MTA3: variants seen among roughly 807,000 people sequenced by gnomAD.
MTA3 encodes metastasis associated 1 family member 3, also known as metastasis-associated protein MTA3.
In MTA3, 34 loss-of-function variants were observed where a neutral mutation model predicts 83.5. The ratio of observed to expected loss-of-function variants is 0.41; its 90% CI spans 0.31 to 0.54. The LOEUF is 0.54. Ranked by LOEUF, MTA3 falls within the 20% of genes least tolerant of loss-of-function variation. MTA3 has a pLI of 0.33. For missense variants in MTA3, 761 were observed against 726.4 expected, an observed-to-expected ratio of 1.05 and a Z score of -0.55; for synonymous variants, 303 against 252.7, an observed-to-expected ratio of 1.20 and a Z score of -1.89.
intron 2 of MTA3, among the ~76,000 whole-genome samples, chr2:42,499,619 G>T (rs1296382866): frequency 6.6e-6 from 1 of 150,686 alleles, no homozygotes; most frequent in Admixed American, 6.6e-5. Context: ...GAGAAACCCC[G>T]TCTCTACTAA....
Position 42,755,394 on chromosome 2 carries a change from A to G in MTA3, c.*1995A>G, listed in dbSNP as rs1416777210. ...CAGGCCCAAGAGATTTGGAGACAGGAGTCAGGCCAGGTCTGAAGCAGGAGA... is the reference window on the plus strand; with the variant it reads ...CAGGCCCAAGAGATTTGGAGACAGGGGTCAGGCCAGGTCTGAAGCAGGAGA... On this transcript the variant is annotated 3_prime_UTR_variant, in exon 17 of 17. Coordinates refer to ENST00000405094, the MANE Select transcript of MTA3 (RefSeq NM_001330442.2). The G allele has an allele frequency of 1.0e-6, 1 of 985,322 alleles. No individual in the cohort carries two copies. Among genetic ancestry groups the G allele is most frequent in the East Asian group, 1.1e-4 (1 of 8,816 alleles). 61.0% of individuals were successfully genotyped at this position (985,322 alleles called of 1,614,324 possible).
At chr2:42,501,008 C>T (rs1674371112) in intron 2 of MTA3, among the ~76,000 whole-genome samples, 1 of 152,096 alleles carries the variant, frequency 6.6e-6, no homozygotes, top group South Asian at 2.1e-4. Context: ...GACGGGGTTT[C>T]ACCGTGTTAG....
rs1677425655 is a variant in MTA3 at position 42,557,035 on chromosome 2, CT to C, written c.-140-13400del. On this transcript the variant is annotated intron_variant, in intron 2 of 17. Transcript: ENST00000405592. ...TCTAGCTTCTAACATGGACTCCACCCTTCAAGAACACAGTCCAAAATATATA... is the reference window on the plus strand; with the variant it reads ...TCTAGCTTCTAACATGGACTCCACCCTCAAGAACACAGTCCAAAATATATA... 2.0e-5 allele frequency among the ~76,000 whole-genome samples: 3 copies of C among 152,252 alleles called. No homozygotes were observed. The South Asian group carries it at 6.2e-4, about 32-fold the overall frequency.
chr2:42,704,263 GA>G lies in MTA3; in HGVS notation c.1096del (p.Thr366ProfsTer10). The stretch of plus-strand genomic sequence containing the variant: ...CTGGTGCTGTGAATGGAGCTGTGGG[GA>G]CCACGTTCCAGCCTCAGAATCCTCT... ...KPGAVNGAVGTTFQPQNPLLG... is the reference protein window; with the variant it reads ...KPGAVNGAVGXTFQPQNPLLG... On this transcript the variant is annotated frameshift_variant, in exon 12 of 17. Coordinates refer to ENST00000405094, the MANE Select transcript of MTA3 (RefSeq NM_001330442.2). LOFTEE classifies it high-confidence loss of function. 1 of 1,613,950 alleles carries G rather than the reference GA, an allele frequency of 6.2e-7. No individual in the cohort carries two copies. Among genetic ancestry groups the G allele is most frequent in the Non-Finnish European group, 8.5e-7 (1 of 1,179,864 alleles).
rs1689966962 is a variant in MTA3 at position 42,663,858 on chromosome 2, T to A, written c.702+3996T>A. On this transcript the variant is annotated intron_variant, in intron 8 of 16. Coordinates refer to ENST00000405094, the MANE Select transcript of MTA3 (RefSeq NM_001330442.2). ...AGTGTTTTTTATCTCTCCTGTTTTG[T>A]TTCCATTCTGAAGCTTAGTAATTTT... Among the ~76,000 whole-genome samples, 5 of 152,264 alleles carry A rather than the reference T, an allele frequency of 3.3e-5. No individual in the cohort carries two copies. In the South Asian group the frequency reaches 1.0e-3, roughly 31 times the overall value.
At chr2:42,628,859 A>C (rs1686393392) in intron 4 of MTA3, among the ~76,000 whole-genome samples, 1 of 151,878 alleles carries the variant, frequency 6.6e-6, no homozygotes, top group South Asian at 2.1e-4. Flanking sequence ...TATGTGTCAG[A>C]AACAAATAAA....
At chr2:42,693,719 C>CA (rs1693122667) in intron 9 of MTA3, among the ~76,000 whole-genome samples, 1 of 152,206 alleles carries the variant, frequency 6.6e-6, no homozygotes. Flanking sequence ...CTGGGGACCC[C>CA]AAAAGCCTGC....
At chr2:42,517,241 CAA>C (rs1341819564) in intron 2 of MTA3, among the ~76,000 whole-genome samples, 5 of 150,354 alleles carry the variant, frequency 3.3e-5, no homozygotes, top group Admixed American at 2.7e-4. Context: ...GCCTTGGGGA[CAA>C]GAGTGAAATT....
intron 3 of MTA3, among the ~76,000 whole-genome samples, chr2:42,606,499 G>C (rs1440171949): frequency 6.7e-6 from 1 of 148,442 alleles, no homozygotes; most frequent in African/African-American, 2.5e-5. Context: ...GGGCAGAGAC[G>C]CCCCTCACTT....
intron 14 of MTA3, chr2:42,712,993 A>C (rs1298887936): frequency 6.6e-6 from 1 of 152,244 alleles, no homozygotes; most frequent in Non-Finnish European, 1.5e-5. Flanking sequence ...CTACAGAATC[A>C]TCCAAACACC....
intron 2 of MTA3, among the ~76,000 whole-genome samples, chr2:42,575,971 A>G (rs943673492): frequency 6.6e-6 from 1 of 152,168 alleles, no homozygotes; most frequent in Admixed American, 6.6e-5. Context: ...ATTCTTTGTA[A>G]TTTCACAAAA....
At chr2:42,654,040 C>G (rs887151864) in intron 6 of MTA3, among the ~76,000 whole-genome samples, 1 of 152,276 alleles carries the variant, frequency 6.6e-6, no homozygotes, top group South Asian at 2.1e-4. Flanking sequence ...TGTTGAGTGT[C>G]TTGTCTTGGC....
At chr2:42,699,168 C>A (rs1011103639) in intron 11 of MTA3, among the ~76,000 whole-genome samples, 17 of 152,092 alleles carry the variant, frequency 1.1e-4, no homozygotes, top group African/African-American at 3.6e-4. Context: ...CAAATCTGAC[C>A]TACTGCTTGT....
intron 15 of MTA3, among the ~76,000 whole-genome samples, chr2:42,720,971 A>AG (rs1667367785): frequency 6.7e-6 from 1 of 149,750 alleles, no homozygotes; most frequent in African/African-American, 2.5e-5. Context: ...AAAAAAAAAA[A>AG]AAAGAAAAGA....
intron 9 of MTA3, among the ~76,000 whole-genome samples, chr2:42,694,763 T>C (rs1377330615): frequency 6.6e-6 from 1 of 152,136 alleles, no homozygotes; most frequent in Non-Finnish European, 1.5e-5. Flanking sequence ...CTGAAATAAC[T>C]CAGGCTAGAG....
intron 4 of MTA3, among the ~76,000 whole-genome samples, chr2:42,623,542 A>G (rs2104208346): frequency 6.6e-6 from 1 of 152,238 alleles, no homozygotes; most frequent in African/African-American, 2.4e-5. Flanking sequence ...AGCAGGGGAA[A>G]TGTTAGGACT....
At chr2:42,563,836 C>CCT (rs1677781740), upstream of MTA3, among the ~76,000 whole-genome samples, 1 of 143,492 alleles carries the variant, frequency 7.0e-6, no homozygotes, top group Non-Finnish European at 1.5e-5. Flanking sequence ...TCCTTCCTTT[C>CCT]TTTTTTGATG....
intron 16 of MTA3, among the ~76,000 whole-genome samples, chr2:42,740,042 T>C (rs955031375): frequency 6.6e-6 from 1 of 152,234 alleles, no homozygotes; most frequent in African/African-American, 2.4e-5. Flanking sequence ...GAACTCCTGT[T>C]AGTATTGATA....
intron 9 of MTA3, among the ~76,000 whole-genome samples, chr2:42,689,214 G>C (rs972527643): frequency 2.0e-5 from 3 of 152,174 alleles, no homozygotes; most frequent in Non-Finnish European, 4.4e-5. Flanking sequence ...TTTTAATACA[G>C]TGCTGAATTT....
Sources: gnomAD v4.1 joint callset for allele counts (sites outside exome capture counted in the v4.1 genomes callset) on GRCh38, gnomAD v4.1.1 for gene constraint, MANE v1.5 for transcripts, NCBI Gene and HGNC (gene_info 2026-07-23, HGNC 2026-07-21) for gene names.